PCDHGB5: variants seen among roughly 807,000 people sequenced by gnomAD.
PCDHGB5 encodes the protein protocadherin gamma-B5.
PCDHGB5 carries 48 observed loss-of-function variants against 62.9 expected under a neutral mutation model. The ratio of observed to expected loss-of-function variants is 0.76; its 90% CI spans 0.61 to 0.97. The LOEUF (loss-of-function observed/expected upper bound fraction) is 0.97. Among genes scored for constraint, PCDHGB5 ranks in the 50% least tolerant of loss-of-function variants. The pLI is 0.00. For synonymous variants in PCDHGB5, 474 were observed against 511.2 expected, an observed-to-expected ratio of 0.93 and a Z score of 0.98; for missense variants, 1,118 against 1,198.6, an observed-to-expected ratio of 0.93 and a Z score of 0.99.
At position 141,491,318 on chromosome 5, in the gene PCDHGB5, A is replaced by C; in HGVS notation, c.2398-3489A>C. The C allele has an allele frequency of 6.2e-7, 1 of 1,613,862 alleles. No individual in the cohort carries two copies. The highest frequency in any genetic ancestry group is 8.5e-7 in the Non-Finnish European group (1 of 1,179,916). On this transcript the variant is annotated intron_variant, in intron 1 of 3. Transcript: ENST00000617380. The surrounding 1 kb of genome is among the most constrained non-coding windows in gnomAD (Gnocchi z 6.9). ...CCTGAGCGTTCAGACCTTACCCTTT[A>C]CCTCATTGTGGCTCTAGCGACCGTC...
intron 1 of PCDHGB5, among the ~76,000 whole-genome samples, chr5:141,435,840 T>G (rs1408413470): frequency 6.6e-6 from 1 of 152,118 alleles, no homozygotes; most frequent in Non-Finnish European, 1.5e-5. Context: ...CCTATCTACT[T>G]TGAAAGATAC....
In PCDHGB5 at chr5:141,408,415, G is replaced by A. The variant is rs554066897; in HGVS notation, c.2397+7891G>A. The A allele has an allele frequency of 1.8e-5, 29 of 1,614,074 alleles. 1 individual carries two copies. In the South Asian group the frequency reaches 2.9e-4, roughly 16 times the overall value. On this transcript the variant is annotated intron_variant, in intron 1 of 3. Coordinates refer to ENST00000617380, the MANE Select transcript of PCDHGB5 (RefSeq NM_018925.3). Reference sequence around the variant, plus strand: ...CTCGCAAGCTGCGAGTGAGCGCGGAGAAGCTGCACTTCAGCGTAGACGCGG... The same window carrying A: ...CTCGCAAGCTGCGAGTGAGCGCGGAAAAGCTGCACTTCAGCGTAGACGCGG...
At chr5:141,418,441 A>G (rs2096258419) in intron 1 of PCDHGB5, 3 of 1,614,000 alleles carry the variant, frequency 1.9e-6, no homozygotes, top group South Asian at 1.1e-5. Flanking sequence ...ATCCAGAATT[A>G]GTATTGCAGA....
chr5:141,400,372 A>T lies in PCDHGB5; in HGVS notation c.2245A>T (p.Asn749Tyr). 6.2e-7 allele frequency: 1 copy of T among 1,613,980 alleles called. No homozygotes were observed. Among genetic ancestry groups the T allele is most frequent in the South Asian group, 1.1e-5 (1 of 91,066 alleles). The part of the protein sequence containing the change: ...YSQGTLPYSY[N>Y]LCVAHTGKTE... ...TCAGGGGACTTTGCCTTATTCCTAC[A>T]ACCTATGTGTTGCACATACAGGAAA... Residue 749 changes from asparagine (N) to tyrosine (Y), a missense_variant, in exon 1 of 4, where the codon AAC (asparagine) becomes TAC (tyrosine). This residue lies in a region of PCDHGB5 where 1,034 missense variants were observed against 1,029.1 expected (regional missense o/e 1.00). Coordinates refer to ENST00000617380, the MANE Select transcript of PCDHGB5 (RefSeq NM_018925.3).
chr5:141,398,587 C>G lies in PCDHGB5; in HGVS notation c.460C>G (p.Leu154Val). 1 of 1,613,860 alleles carries G rather than the reference C, an allele frequency of 6.2e-7. No individual in the cohort carries two copies. The highest frequency in any genetic ancestry group is 8.5e-7 in the Non-Finnish European group (1 of 1,179,780). ...ESAQPGTRFI[L>V]EVAEDADIGL... ...TGCACAGCCTGGCACAAGATTTATA[C>G]TAGAAGTAGCAGAAGATGCAGATAT... The change falls in exon 1 of 4, where the codon CTA becomes GTA. Residue 154 changes from leucine to valine, a missense_variant. By Grantham distance (32) the Leu-to-Val change is conservative (BLOSUM62 1). Coordinates refer to ENST00000617380, the MANE Select transcript of PCDHGB5 (RefSeq NM_018925.3).
At chr5:141,473,988 G>C (rs1006988447) in intron 1 of PCDHGB5, among the ~76,000 whole-genome samples, 8 of 152,118 alleles carry the variant, frequency 5.3e-5, no homozygotes, top group Non-Finnish European at 4.4e-5. Context: ...AGGATCCCTT[G>C]AGCCCAAGGA....
At chr5:141,450,297 G>A (rs1414677718) in intron 1 of PCDHGB5, among the ~76,000 whole-genome samples, 3 of 151,838 alleles carry the variant, frequency 2.0e-5, no homozygotes, top group Non-Finnish European at 4.4e-5. Context: ...ACAGGCGTGA[G>A]CCACCATGTG....
At position 141,431,871 on chromosome 5, in the gene PCDHGB5, T is replaced by C; in HGVS notation, c.2397+31347T>C. The C allele has an allele frequency of 1.9e-6, 3 of 1,614,234 alleles. No homozygotes were observed. The highest frequency in any genetic ancestry group is 2.5e-6 in the Non-Finnish European group (3 of 1,180,032). The stretch of plus-strand genomic sequence containing the variant: ...GGGACATTAATTGCCCTTTTAAATG[T>C]AAATGACCAAGATTCTGAGGAAAAC... On this transcript the variant is annotated intron_variant, in intron 1 of 3. Coordinates refer to ENST00000617380, the MANE Select transcript of PCDHGB5 (RefSeq NM_018925.3). The surrounding 1 kb of genome is among the most constrained non-coding windows in gnomAD (Gnocchi z 4.8).
rs1562052190 is a variant in PCDHGB5, at chr5:141,476,218, CTA to C, written c.2398-18587_2398-18586del. The C allele has an allele frequency of 6.2e-7, 1 of 1,613,984 alleles. No individual in the cohort carries two copies. The highest frequency in any genetic ancestry group is 8.5e-7 in the Non-Finnish European group (1 of 1,180,024). ...TGAACAAGGCTTCCACGGTCATTCA[CTA>C]TGAGATCCCGGAGGAAAGAGAGAAG... On this transcript the variant is annotated intron_variant, in intron 1 of 3. Coordinates refer to ENST00000617380, the MANE Select transcript of PCDHGB5 (RefSeq NM_018925.3). This position sits in a 1 kb window ranked among gnomAD's most constrained non-coding sequence, Gnocchi z 7.6.
At chr5:141,409,447 A>G (rs764648085) in intron 1 of PCDHGB5, 3 of 1,614,008 alleles carry the variant, frequency 1.9e-6, no homozygotes, top group Admixed American at 1.7e-5. Flanking sequence ...GAGAGCAGAC[A>G]CCAGAATACA....
chr5:141,423,513 G>C, intron 1 of PCDHGB5: 3 of 1,613,750 alleles, frequency 1.9e-6, no homozygotes, highest in Non-Finnish European at 1.7e-6. Flanking sequence ...CTCTCATTGC[G>C]GACTCGCAGA....
chr5:141,512,897 C>T lies in PCDHGB5; in HGVS notation c.*1724C>T, dbSNP rs1482341871. ...CTCCCACCCCACCCTCTTCCTGTGT[C>T]TCACGCAAGTTTTATACTCTAATAT... On this transcript the variant is annotated 3_prime_UTR_variant, in exon 4 of 4. Coordinates refer to ENST00000617380, the MANE Select transcript of PCDHGB5 (RefSeq NM_018925.3). 1.3e-5 allele frequency: 2 copies of T among 152,274 alleles called. No homozygotes were observed. The highest frequency in any genetic ancestry group is 4.8e-5 in the African/African-American group (2 of 41,470). The allele number at this position is 152,274 out of a possible 1,614,324, so 9.4% of individuals were successfully genotyped here. A position where few individuals can be genotyped will look rare whatever the true frequency, so the allele number is the denominator to read the frequency against.
chr5:141,441,918 C>A (rs1183933153), intron 1 of PCDHGB5: 8 of 351,246 alleles, frequency 2.3e-5, no homozygotes, highest in African/African-American at 1.1e-4. Flanking sequence ...ATGTGAGACA[C>A]AATGCGTGGC....
chr5:141,419,322 C>T lies in PCDHGB5; in HGVS notation c.2397+18798C>T, dbSNP rs370480327. The stretch of plus-strand genomic sequence containing the variant: ...GACTTCGGGCTCAACGGCCGTGTCT[C>T]CTACTCTCTCATTGCCAGCGACCTG... On this transcript the variant is annotated intron_variant, in intron 1 of 3. Transcript: ENST00000617380. 164 of 1,613,852 alleles carry T rather than the reference C, an allele frequency of 1.0e-4. No individual in the cohort carries two copies. Among genetic ancestry groups the T allele is most frequent in the Non-Finnish European group, 1.3e-4 (153 of 1,179,898 alleles).
chr5:141,477,560 T>C lies in PCDHGB5; in HGVS notation c.2398-17247T>C, dbSNP rs2099412994. The C allele has an allele frequency of 1.2e-6, 2 of 1,614,078 alleles. No homozygotes were observed. Among genetic ancestry groups the C allele is most frequent in the South Asian group, 2.2e-5 (2 of 91,094 alleles). ...GGCTCCAATACTAAACCTAAGTGTC[T>C]GGGACCCCGACGCCCCGCAGAATGC... On this transcript the variant is annotated intron_variant, in intron 1 of 3. Transcript: ENST00000617380. This position sits in a 1 kb window ranked among gnomAD's most constrained non-coding sequence, Gnocchi z 4.9.
chr5:141,426,104 A>T (rs2096915289), intron 1 of PCDHGB5, among the ~76,000 whole-genome samples: 1 of 152,258 alleles, frequency 6.6e-6, no homozygotes, highest in Non-Finnish European at 1.5e-5. Flanking sequence ...GTTCAGTCAC[A>T]GAAGCAAGTC....
At chr5:141,408,220 G>C (rs2095061412) in intron 1 of PCDHGB5, 1 of 1,558,876 alleles carries the variant, frequency 6.4e-7, no homozygotes, top group Non-Finnish European at 8.7e-7. Flanking sequence ...GGAGCTGCGC[G>C]CAGAGGCGCC....
chr5:141,432,659 G>A lies in PCDHGB5; in HGVS notation c.2397+32135G>A. On this transcript the variant is annotated intron_variant, in intron 1 of 3. Coordinates refer to ENST00000617380, the MANE Select transcript of PCDHGB5 (RefSeq NM_018925.3). This position sits in a 1 kb window ranked among gnomAD's most constrained non-coding sequence, Gnocchi z 6.0. ...GGTGCGCACGGCGCGAGCCCTGCTG[G>A]ACAGAGACGCGCTCAAGCAGAGCCT... 1 of 1,613,884 alleles carries A rather than the reference G, an allele frequency of 6.2e-7. No homozygotes were observed. The highest frequency in any genetic ancestry group is 8.5e-7 in the Non-Finnish European group (1 of 1,179,956).
chr5:141,483,472 T>C (rs1457039859), intron 1 of PCDHGB5, among the ~76,000 whole-genome samples: 2 of 152,076 alleles, frequency 1.3e-5, no homozygotes, highest in Non-Finnish European at 2.9e-5. Flanking sequence ...TGACATGATA[T>C]AGGAAGTGAG....
Sources: allele counts gnomAD v4.1 joint callset (sites outside exome capture counted in the v4.1 genomes callset), GRCh38; gene constraint gnomAD v4.1.1; regional missense constraint gnomAD v4.1.1; non-coding constraint Gnocchi (gnomAD v3.1); transcripts MANE v1.5; gene names NCBI Gene and HGNC (gene_info 2026-07-23, HGNC 2026-07-21).